Variants in TXNDC11 observed in about 807,000 individuals in gnomAD.
TXNDC11 encodes thioredoxin domain containing 11.
In TXNDC11, 68 loss-of-function variants were observed where a neutral mutation model predicts 78.0. The ratio of observed to expected loss-of-function variants is 0.87; its 90% CI spans 0.72 to 1.07. TXNDC11 has a LOEUF of 1.07. Ranked by LOEUF, TXNDC11 falls within the 50% of genes least tolerant of loss-of-function variation. The pLI is 0.00. For synonymous variants in TXNDC11, 571 were observed against 495.2 expected, an observed-to-expected ratio of 1.15 and a Z score of -2.03; for missense variants, 1,389 against 1,221.8, an observed-to-expected ratio of 1.14 and a Z score of -2.04.
intron 4 of TXNDC11, among the ~76,000 whole-genome samples, chr16:11,724,570 C>A (rs2051817288): frequency 1.3e-5 from 2 of 152,206 alleles, no homozygotes; most frequent in Non-Finnish European, 2.9e-5. Context: ...TCCAAACTAG[C>A]CTGGGCAACA....
chr16:11,730,361 T>C (rs985737617), intron 4 of TXNDC11, among the ~76,000 whole-genome samples: 10 of 152,200 alleles, frequency 6.6e-5, no homozygotes, highest in Non-Finnish European at 1.3e-4. Context: ...GTAAGTTAAT[T>C]CTCATCTACT....
In TXNDC11 at chr16:11,691,254, T is replaced by C. The variant is rs1391748624; in HGVS notation, c.1900+36A>G. The stretch of plus-strand genomic sequence containing the variant: ...TTTACCCATATGAAGTCAAGCAAAA[T>C]GTACAATGCTTGGGGAAATAAACTG... On this transcript the variant is annotated intron_variant, in intron 8 of 11. Transcript: ENST00000283033. 4.5e-6 allele frequency: 7 copies of C among 1,550,802 alleles called. No individual in the cohort carries two copies. In the South Asian group the frequency reaches 8.6e-5, roughly 19 times the overall value.
chr16:11,684,846 C>G (rs973211770), intron 10 of TXNDC11, among the ~76,000 whole-genome samples: 1 of 152,228 alleles, frequency 6.6e-6, no homozygotes, highest in Admixed American at 6.5e-5. Context: ...CGCCCACACT[C>G]GGGCTAAGCA....
In TXNDC11 at chr16:11,736,232, G is replaced by T; in HGVS notation, c.256C>A (p.Arg86=). The T allele has an allele frequency of 1.3e-6, 2 of 1,599,948 alleles. No homozygotes were observed. Among genetic ancestry groups the T allele is most frequent in the South Asian group, 2.2e-5 (2 of 89,626 alleles). The change falls in exon 2 of 12, where the codon CGA becomes AGA. Residue 86 remains arginine (R), a splice_region_variant and synonymous_variant. Transcript: ENST00000283033. ...GCTGGTATTATCACATCTTTTGCTCGACTAAAAAAGAGCAAACACAGAAAA... is the reference window on the plus strand; with the variant it reads ...GCTGGTATTATCACATCTTTTGCTCTACTAAAAAAGAGCAAACACAGAAAA... The part of the protein sequence containing the change: ...LLLALKFTCS[R]AKDVIIPAKP...
At position 11,698,256 on chromosome 16, in the gene TXNDC11, T is replaced by C. The variant is rs752791570; in HGVS notation, c.976A>G (p.Thr326Ala). ...ICKWALENQE[T>A]LFRWLRPHGG... ...TGTGGCCGCAGCCACCGAAAGAGCG[T>C]CTCCTGGTTTTCTAAGGCCCACTTA... The change falls in exon 7 of 12, where the codon ACG (threonine) becomes GCG (alanine). Residue 326 changes from threonine (T) to alanine (A), a missense_variant. Thr to Ala is a moderately conservative substitution (Grantham distance 58, BLOSUM62 0). Coordinates refer to ENST00000283033, the MANE Select transcript of TXNDC11 (RefSeq NM_015914.7). 3.7e-6 allele frequency: 6 copies of C among 1,614,034 alleles called. No individual in the cohort carries two copies. The highest frequency in any genetic ancestry group is 5.1e-6 in the Non-Finnish European group (6 of 1,180,034).
intron 11 of TXNDC11, 144 bp downstream of exon 11, chr16:11,684,021 G>A: frequency 3.5e-6 from 2 of 565,746 alleles, no homozygotes; most frequent in Non-Finnish European, 6.5e-6. Context: ...AAAGTGCTGG[G>A]ATTACAGGCA....
At position 11,736,067 on chromosome 16, in the gene TXNDC11, T is replaced by C. The variant is rs372351750; in HGVS notation, c.421A>G (p.Ile141Val). 4.3e-6 allele frequency: 7 copies of C among 1,614,062 alleles called. No individual in the cohort carries two copies. Among genetic ancestry groups the C allele is most frequent in the African/African-American group, 2.7e-5 (2 of 74,920 alleles). Residue 141 changes from isoleucine (I) to valine (V), a missense_variant, in exon 2 of 12, where the codon ATC becomes GTC. Ile to Val is a conservative substitution (Grantham distance 29). Coordinates refer to ENST00000283033, the MANE Select transcript of TXNDC11 (RefSeq NM_015914.7). ...TGCTCAATTTCTGCCCTGGCAGCGA[T>C]GGACTGTCCACACCAAGGGGCATAG... The part of the protein sequence containing the change: ...FFYAPWCGQS[I>V]AARAEIEQAA...
intron 4 of TXNDC11, among the ~76,000 whole-genome samples, chr16:11,728,501 AG>A (rs2051949732): frequency 1.3e-5 from 2 of 152,322 alleles, no homozygotes; most frequent in Admixed American, 6.5e-5. Context: ...CCCATTTTAA[AG>A]GCAGTCCAGT....
chr16:11,723,100 A>G (rs2051759700), intron 4 of TXNDC11, among the ~76,000 whole-genome samples: 1 of 151,564 alleles, frequency 6.6e-6, no homozygotes, highest in South Asian at 2.1e-4. Flanking sequence ...CTATTAAAAA[A>G]TACAAAAATT....
chr16:11,688,001 G>A (rs775688213), intron 9 of TXNDC11, 35 bp from the exon 10 acceptor site: 55 of 1,459,014 alleles, frequency 3.8e-5, no homozygotes, highest in Non-Finnish European at 4.8e-5. Context: ...TACTTGCACC[G>A]GGAAATGGGC....
At position 11,706,996 on chromosome 16, in the gene TXNDC11, G is replaced by C. The variant is rs78431106; in HGVS notation, c.794-6432C>G. On this transcript the variant is annotated intron_variant, in intron 5 of 11. Transcript: ENST00000283033. ...GCCAATTTTCATACAGGCAGGCTCT[G>C]AAGGGCCAACTGTGGGACTTGAGTA... 2.1e-3 allele frequency among the ~76,000 whole-genome samples: 316 copies of C among 152,280 alleles called. 3 individuals are homozygous for C. Among genetic ancestry groups the C allele is most frequent in the African/African-American group, 7.1e-3 (294 of 41,536 alleles).
At chr16:11,741,925 C>G (rs538016844) in intron 1 of TXNDC11, 3 of 152,650 alleles carry the variant, frequency 2.0e-5, no homozygotes, top group African/African-American at 4.8e-5. Flanking sequence ...CCGAGCTACT[C>G]AGGAGCTGAG....
In TXNDC11 at chr16:11,734,064, T is replaced by A; in HGVS notation, c.487A>T (p.Ile163Phe). Residue 163 changes from isoleucine (I) to phenylalanine (F), a missense_variant, in exon 3 of 12, where the codon ATT becomes TTT. Ile to Phe is a conservative substitution (Grantham distance 21). Transcript: ENST00000283033. ...TTCCCCTGGTTCCACCAACAGTTAA[T>A]TGCCACAAACAACACCTGCAGAGCC... ...RLSDQVLFVA[I>F]NCWWNQGKCR... 1.2e-6 allele frequency: 2 copies of A among 1,601,608 alleles called. No homozygotes were observed. The highest frequency in any genetic ancestry group is 1.7e-6 in the Non-Finnish European group (2 of 1,177,400).
At chr16:11,737,585 C>T (rs928711480) in intron 1 of TXNDC11, among the ~76,000 whole-genome samples, 4 of 151,860 alleles carry the variant, frequency 2.6e-5, no homozygotes, top group Admixed American at 6.6e-5. Flanking sequence ...AAGGAGAGGC[C>T]GGGCGCGGTG....
intron 4 of TXNDC11, among the ~76,000 whole-genome samples, chr16:11,727,884 CCT>C (rs1317079795): frequency 2.0e-5 from 3 of 152,106 alleles, no homozygotes; most frequent in African/African-American, 2.4e-5. Flanking sequence ...AATTTTGCCC[CCT>C]GAGGGGTATT....
intron 5 of TXNDC11, among the ~76,000 whole-genome samples, chr16:11,712,024 A>G (rs2051376632): frequency 6.6e-6 from 1 of 152,170 alleles, no homozygotes; most frequent in Non-Finnish European, 1.5e-5. Context: ...TATGTCCCTA[A>G]GATTATTTTC....
chr16:11,727,245 AT>A (rs569960235), intron 4 of TXNDC11, among the ~76,000 whole-genome samples: 3 of 151,418 alleles, frequency 2.0e-5, no homozygotes, highest in African/African-American at 2.4e-5. Context: ...TACGCAAGAA[AT>A]TTTTTTTTAA....
At chr16:11,737,630 G>A (rs759422112) in intron 1 of TXNDC11, among the ~76,000 whole-genome samples, 5 of 151,942 alleles carry the variant, frequency 3.3e-5, no homozygotes, top group Non-Finnish European at 7.4e-5. Flanking sequence ...GTGGGAAGCC[G>A]AGGCAGGCAG....
intron 4 of TXNDC11, among the ~76,000 whole-genome samples, chr16:11,723,582 C>A (rs2051781304): frequency 6.6e-6 from 1 of 151,734 alleles, no homozygotes; most frequent in East Asian, 1.9e-4. Context: ...AAGACTCCAT[C>A]TTAAAACAAA....
Sources: gnomAD v4.1 joint callset for allele counts (sites outside exome capture counted in the v4.1 genomes callset) on GRCh38, gnomAD v4.1.1 for gene constraint, MANE v1.5 for transcripts, NCBI Gene and HGNC (gene_info 2026-07-23, HGNC 2026-07-21) for gene names.